DYNC2I1: variants seen among roughly 807,000 people sequenced by gnomAD.
DYNC2I1 encodes dynein 2 intermediate chain 1, also known as cytoplasmic dynein 2 intermediate chain 1.
DYNC2I1 carries 89 observed loss-of-function variants against 133.4 expected under a neutral mutation model. The ratio of observed to expected loss-of-function variants is 0.67; its 90% CI spans 0.56 to 0.80. The LOEUF is 0.80. DYNC2I1 is among the 30% of genes least tolerant of loss of function. The probability of loss-of-function intolerance (pLI) is 0.00; values close to 1 mark genes in which losing one functional copy is unlikely to be tolerated. For synonymous variants in DYNC2I1, 504 were observed against 484.3 expected (o/e 1.04, Z -0.54); for missense variants, 1,291 against 1,314.5 (o/e 0.98, Z 0.28).
chr7:158,916,716 T>G, intron 14 of DYNC2I1, among the ~76,000 whole-genome samples: 1 of 63,544 alleles, frequency 1.6e-5, no homozygotes, highest in African/African-American at 5.6e-5. Flanking sequence ...GTCTGCACGC[T>G]GGTTGACATT....
chr7:158,922,396 G>A lies in DYNC2I1; in HGVS notation c.1941G>A (p.Leu647=), dbSNP rs781387709. ...PFLQNRKVSS[L]HTSRVQRQMV... ...CCCTAGATCGAAAAGTATCCTCCTT[G>A]CACACCTCCCGAGTTCAGAGGCAGA... The change falls in exon 16 of 25, where the codon TTG becomes TTA. Residue 647 remains leucine (L), a synonymous_variant. Transcript: ENST00000407559. The A allele has an allele frequency of 1.9e-6, 3 of 1,613,900 alleles. No individual in the cohort carries two copies. The East Asian group carries it at 6.7e-5, about 36-fold the overall frequency.
intron 24 of DYNC2I1, among the ~76,000 whole-genome samples, chr7:158,943,438 C>T (rs143856611): frequency 2.6e-5 from 4 of 152,224 alleles, no homozygotes; most frequent in South Asian, 2.1e-4. Context: ...TGCTGGAAAA[C>T]GTGCTGTGGA....
At chr7:158,912,031 G>A (rs1006709783) in intron 12 of DYNC2I1, among the ~76,000 whole-genome samples, 2 of 152,216 alleles carry the variant, frequency 1.3e-5, no homozygotes, top group African/African-American at 4.8e-5. Flanking sequence ...CCAGAGTGCA[G>A]TGGAGTGATC....
intron 20 of DYNC2I1, among the ~76,000 whole-genome samples, 197 bp downstream of exon 20, chr7:158,927,240 A>G (rs1436216446): frequency 1.3e-5 from 2 of 151,810 alleles, no homozygotes; most frequent in African/African-American, 2.4e-5. Context: ...CGTCTCTACA[A>G]AAAAATTCAA....
chr7:158,867,018 GT>G (rs35720744), intron 1 of DYNC2I1, among the ~76,000 whole-genome samples: 41,741 of 120,896 alleles, frequency 0.35, 4,520 homozygotes, highest in East Asian at 0.46. Context: ...GACTAAATCT[GT>G]TTTTTTTTTT....
intron 5 of DYNC2I1, among the ~76,000 whole-genome samples, chr7:158,881,659 T>C (rs1844036699): frequency 1.3e-5 from 2 of 152,086 alleles, no homozygotes; most frequent in Admixed American, 6.6e-5. Flanking sequence ...TTCACCGTGT[T>C]AGCCAGGATG....
At chr7:158,897,106 C>T (rs1286310257) in intron 8 of DYNC2I1, among the ~76,000 whole-genome samples, 1 of 151,730 alleles carries the variant, frequency 6.6e-6, no homozygotes, top group Non-Finnish European at 1.5e-5. Context: ...GCCTCAGCCT[C>T]CCGAGTAGCT....
intron 20 of DYNC2I1, 32 bp from the exon 21 acceptor site, chr7:158,930,423 A>C: frequency 1.3e-6 from 2 of 1,590,484 alleles, no homozygotes; most frequent in Non-Finnish European, 1.7e-6. Flanking sequence ...TTCTATTGAA[A>C]GGTGCATTGA....
At chr7:158,928,386 T>G (rs187157355) in intron 20 of DYNC2I1, among the ~76,000 whole-genome samples, 72 of 151,698 alleles carry the variant, frequency 4.7e-4, no homozygotes, top group African/African-American at 1.5e-3. Flanking sequence ...TGGCAAAAAA[T>G]AATATGAGTG....
chr7:158,882,217 C>A (rs1277186150), intron 5 of DYNC2I1, among the ~76,000 whole-genome samples: 3 of 152,004 alleles, frequency 2.0e-5, no homozygotes, highest in African/African-American at 7.2e-5. Context: ...GTGAACAAAA[C>A]AAAAATTACT....
At chr7:158,876,330 A>G (rs1479867055) in intron 3 of DYNC2I1, among the ~76,000 whole-genome samples, 4 of 152,184 alleles carry the variant, frequency 2.6e-5, no homozygotes, top group African/African-American at 7.2e-5. Context: ...ACCAGGTCCC[A>G]CCTTCAGCAT....
chr7:158,918,649 A>C, intron 14 of DYNC2I1, 91 bp from the exon 15 acceptor site: 1 of 1,458,312 alleles, frequency 6.9e-7, no homozygotes, highest in African/African-American at 1.4e-5. Context: ...AGTTATTTGC[A>C]GATATGGATA....
chr7:158,940,834 T>C (rs1330961613), intron 23 of DYNC2I1, among the ~76,000 whole-genome samples: 1 of 152,072 alleles, frequency 6.6e-6, no homozygotes, highest in Non-Finnish European at 1.5e-5. Context: ...GCAAAAGCAA[T>C]ACTAAGAGAG....
At position 158,926,248 on chromosome 7, in the gene DYNC2I1, G is replaced by A. The variant is rs768723975; in HGVS notation, c.2319G>A (p.Thr773=). ...TTCAAGCAGTAGAACCTATCTCAAC[G>A]TCCGTCCACAAAAAGCAGAGCTTTG... The part of the protein sequence containing the change: ...SPLQAVEPIS[T]SVHKKQSFVL... The change falls in exon 18 of 25, where the codon ACG becomes ACA. Residue 773 remains threonine (T), a synonymous_variant. Transcript: ENST00000407559. 33 of 1,613,382 alleles carry A rather than the reference G, an allele frequency of 2.0e-5. No individual in the cohort carries two copies. Among genetic ancestry groups the A allele is most frequent in the South Asian group, 9.9e-5 (9 of 90,874 alleles).
intron 8 of DYNC2I1, among the ~76,000 whole-genome samples, chr7:158,892,476 C>A (rs1286562327): frequency 6.6e-6 from 1 of 152,066 alleles, no homozygotes; most frequent in African/African-American, 2.4e-5. Context: ...GGGGCTCGCT[C>A]TGTTGCCCAG....
chr7:158,914,760 T>TTA (rs1563159556), intron 14 of DYNC2I1, among the ~76,000 whole-genome samples: 2 of 152,222 alleles, frequency 1.3e-5, no homozygotes, highest in African/African-American at 4.8e-5. Context: ...ACTTTAGTGG[T>TTA]TATCACCTCA....
At chr7:158,890,390 T>G (rs1845084528) in intron 7 of DYNC2I1, among the ~76,000 whole-genome samples, 1 of 152,174 alleles carries the variant, frequency 6.6e-6, no homozygotes, top group African/African-American at 2.4e-5. Context: ...TGAATGTATC[T>G]AACAGCTTGT....
intron 6 of DYNC2I1, among the ~76,000 whole-genome samples, chr7:158,885,617 C>G (rs181256110): frequency 2.3e-4 from 35 of 152,120 alleles, no homozygotes; most frequent in African/African-American, 8.2e-4. Flanking sequence ...GCTGGGATTA[C>G]AGGCGTGAGC....
At chr7:158,892,649 A>C (rs1051006652) in intron 8 of DYNC2I1, among the ~76,000 whole-genome samples, 2 of 151,894 alleles carry the variant, frequency 1.3e-5, no homozygotes, top group African/African-American at 4.8e-5. Flanking sequence ...GTTTCCATCA[A>C]AATTGAGAGG....
Sources: gnomAD v4.1 joint callset for allele counts (sites outside exome capture counted in the v4.1 genomes callset) on GRCh38, gnomAD v4.1.1 for gene constraint, MANE v1.5 for transcripts, NCBI Gene and HGNC (gene_info 2026-07-23, HGNC 2026-07-21) for gene names.